The following PYROXD2 variants were observed in gnomAD, a reference collection of about 807,000 sequenced individuals.
PYROXD2 encodes pyridine nucleotide-disulfide oxidoreductase domain-containing protein 2.
PYROXD2 carries 69 observed loss-of-function variants against 71.1 expected under a neutral mutation model. The observed-to-expected ratio is 0.97, with a 90% CI of 0.80 to 1.19. The LOEUF (loss-of-function observed/expected upper bound fraction) is 1.19. PYROXD2 is among the 50% of genes most tolerant of loss of function. The pLI is 0.00. For missense variants in PYROXD2, 745 were observed against 748.9 expected (o/e 0.99, Z 0.06); for synonymous variants, 287 against 302.7 (o/e 0.95, Z 0.54).
Position 98,387,306 on chromosome 10 carries a change from C to T in PYROXD2, c.1449G>A (p.Val483=). The change falls in exon 14 of 16, where the codon GTG becomes GTA. Residue 483 remains valine (V), a splice_region_variant and synonymous_variant. Coordinates refer to ENST00000370575, the MANE Select transcript of PYROXD2 (RefSeq NM_032709.3). ...EQERDAYADR[V]FDCIEVYAPG... is the part of the protein sequence containing the mutation. ...GGGCATAGACCTCGATGCAATCAAA[C>T]ACTGGGGTGCCAAAAACAGAGAAAT... The T allele has an allele frequency of 6.2e-7, 1 of 1,610,460 alleles. No homozygotes were observed. Among genetic ancestry groups the T allele is most frequent in the Non-Finnish European group, 8.5e-7 (1 of 1,176,930 alleles).
intron 2 of PYROXD2, among the ~76,000 whole-genome samples, chr10:98,408,605 A>C (rs568269058): frequency 2.6e-5 from 4 of 152,362 alleles, no homozygotes; most frequent in African/African-American, 9.6e-5. Context: ...GAATGTACTC[A>C]GTAAATGAAG....
At chr10:98,386,820 T>C (rs141894143) in intron 14 of PYROXD2, among the ~76,000 whole-genome samples, 1,596 of 152,300 alleles carry the variant, frequency 0.01, 24 homozygotes, top group Admixed American at 0.021. Context: ...CCTGGCCTCC[T>C]ATCTGGTCTC....
intron 1 of PYROXD2, among the ~76,000 whole-genome samples, chr10:98,413,038 A>G (rs12263948): frequency 0.014 from 2,158 of 152,298 alleles, 52 homozygotes; most frequent in African/African-American, 0.049. Context: ...CTCAAAACAC[A>G]CTACCTCCTA....
rs1842916095 is a variant in PYROXD2 at position 98,390,653 on chromosome 10, T to C, written c.1237A>G (p.Thr413Ala). Residue 413 changes from threonine (T) to alanine (A), a missense_variant, in exon 12 of 16, where the codon ACC (threonine) becomes GCC (alanine). By Grantham distance (58) the Thr-to-Ala change is moderately conservative (BLOSUM62 0). Coordinates refer to ENST00000370575, the MANE Select transcript of PYROXD2 (RefSeq NM_032709.3). ...QCSIHLNCED[T>A]LLLHQAFEDA... ...TCAAAGGCCTGATGAAGGAGGAGGG[T>C]GTCTTCACAGTTCAGGTGGATGGAG... 2 of 1,611,162 alleles carry C rather than the reference T, an allele frequency of 1.2e-6. No individual in the cohort carries two copies. The highest frequency in any genetic ancestry group is 8.5e-7 in the Non-Finnish European group (1 of 1,178,428).
At chr10:98,404,805 T>C (rs1843539875) in intron 4 of PYROXD2, among the ~76,000 whole-genome samples, 1 of 152,200 alleles carries the variant, frequency 6.6e-6, no homozygotes, top group Non-Finnish European at 1.5e-5. Context: ...AACGACCGTT[T>C]CTGGGCCCCA....
At chr10:98,390,273 C>G (rs111785903) in intron 12 of PYROXD2, among the ~76,000 whole-genome samples, 3 of 152,130 alleles carry the variant, frequency 2.0e-5, no homozygotes, top group Non-Finnish European at 4.4e-5. Context: ...TGCTCTCTGA[C>G]GGGCTCTGAA....
At chr10:98,394,219 G>A (rs966614750) in intron 8 of PYROXD2, among the ~76,000 whole-genome samples, 1 of 152,144 alleles carries the variant, frequency 6.6e-6, no homozygotes, top group African/African-American at 2.4e-5. Flanking sequence ...ATTAATGATG[G>A]AACAGATTAC....
At chr10:98,407,548 C>T in intron 4 of PYROXD2, 34 bp downstream of exon 4, 1 of 1,611,204 alleles carries the variant, frequency 6.2e-7, no homozygotes, top group East Asian at 2.2e-5. Context: ...CTGCCTCCTC[C>T]CTCCGTGCAA....
chr10:98,388,247 T>C (rs2182169), intron 13 of PYROXD2, 107 bp downstream of exon 13: 431,059 of 1,109,676 alleles, frequency 0.39, 88,667 homozygotes, highest in African/African-American at 0.57. Flanking sequence ...CCCTTTGGAA[T>C]GGCACCTGCA....
intron 4 of PYROXD2, among the ~76,000 whole-genome samples, chr10:98,404,359 C>T (rs73333648): frequency 1.3e-5 from 2 of 152,142 alleles, no homozygotes; most frequent in Admixed American, 1.3e-4. Context: ...AGACTGTGAG[C>T]ATACTCCAGC....
chr10:98,387,624 G>GTT (rs550769911), intron 13 of PYROXD2, among the ~76,000 whole-genome samples: 45 of 112,990 alleles, frequency 4.0e-4, no homozygotes, highest in Non-Finnish European at 5.4e-4. Context: ...TTCTCAAGCT[G>GTT]TTTTTTTTTT....
chr10:98,385,941 G>A (rs1842734978), intron 14 of PYROXD2, among the ~76,000 whole-genome samples: 2 of 152,232 alleles, frequency 1.3e-5, no homozygotes, highest in South Asian at 2.1e-4. Flanking sequence ...TGTAATGGGA[G>A]CTACATATGT....
At chr10:98,406,094 T>C (rs1049062175) in intron 4 of PYROXD2, among the ~76,000 whole-genome samples, 1 of 152,172 alleles carries the variant, frequency 6.6e-6, no homozygotes, top group African/African-American at 2.4e-5. Context: ...GTGCTCCAGA[T>C]GGGGTGAGTC....
intron 6 of PYROXD2, among the ~76,000 whole-genome samples, chr10:98,396,506 G>A (rs888121483): frequency 2.0e-5 from 3 of 152,186 alleles, no homozygotes; most frequent in Non-Finnish European, 4.4e-5. Context: ...AAACTGGTCT[G>A]TATACCCTCA....
Position 98,409,654 on chromosome 10 carries a change from A to C in PYROXD2, c.147+1285T>G, listed in dbSNP as rs1033307704. On this transcript the variant is annotated intron_variant, in intron 2 of 15. Coordinates refer to ENST00000370575, the MANE Select transcript of PYROXD2 (RefSeq NM_032709.3). ...ATGTGCCAGGTCCTAGCAGCAAATG[A>C]TCTATTACCTTCACAGCAGCTCTGT... 2.0e-5 allele frequency among the ~76,000 whole-genome samples: 3 copies of C among 152,286 alleles called. No homozygotes were observed. In the East Asian group the frequency reaches 5.8e-4, roughly 29 times the overall value.
chr10:98,390,443 C>A (rs1842907726), intron 12 of PYROXD2, among the ~76,000 whole-genome samples, 155 bp downstream of exon 12: 1 of 152,180 alleles, frequency 6.6e-6, no homozygotes, highest in East Asian at 1.9e-4. Flanking sequence ...ACCTGGGATG[C>A]ACTTCCTGTC....
At chr10:98,395,851 G>A (rs923161023) in intron 6 of PYROXD2, among the ~76,000 whole-genome samples, 1 of 152,144 alleles carries the variant, frequency 6.6e-6, no homozygotes, top group African/African-American at 2.4e-5. Context: ...CCATATCCTG[G>A]GAGAAGGCTG....
chr10:98,396,943 G>A (rs1044223128), intron 6 of PYROXD2, among the ~76,000 whole-genome samples: 6 of 152,132 alleles, frequency 3.9e-5, no homozygotes, highest in African/African-American at 9.7e-5. Flanking sequence ...TCCATCTCCC[G>A]AGAAGGTTCC....
chr10:98,414,971 G>A (rs373556641), intron 1 of PYROXD2, 38 bp downstream of exon 1: 43 of 1,585,744 alleles, frequency 2.7e-5, no homozygotes, highest in African/African-American at 6.7e-5. Flanking sequence ...CTGTCTTCCC[G>A]CCCCTCAGCT....
Sources: allele counts gnomAD v4.1 joint callset (sites outside exome capture counted in the v4.1 genomes callset), GRCh38; gene constraint gnomAD v4.1.1; transcripts MANE v1.5; gene names NCBI Gene and HGNC (gene_info 2026-07-23, HGNC 2026-07-21).